The following VAV1 variants were observed in gnomAD, a reference collection of about 807,000 sequenced individuals.
VAV1 encodes vav guanine nucleotide exchange factor 1, also known as proto-oncogene vav.
A neutral mutation model predicts 128.1 loss-of-function variants in VAV1; 33 were observed. The ratio of observed to expected loss-of-function variants is 0.26; its 90% CI spans 0.20 to 0.34. The LOEUF (loss-of-function observed/expected upper bound fraction) is 0.34, where lower values mean the gene tolerates loss of function less well. Ranked by LOEUF, VAV1 falls within the 10% of genes least tolerant of loss-of-function variation. The probability of loss-of-function intolerance (pLI) is 1.00; values close to 1 mark genes in which losing one functional copy is unlikely to be tolerated. For missense variants in VAV1, 715 were observed against 1,093.7 expected (o/e 0.65, Z 4.88); for synonymous variants, 394 against 409.8 (o/e 0.96, Z 0.47).
intron 21 of VAV1, 101 bp downstream of exon 21, chr19:6,837,151 G>GCCCC: frequency 1.6e-6 from 2 of 1,262,506 alleles, no homozygotes; most frequent in Non-Finnish European, 2.3e-6. Flanking sequence ...TGGGGAGGGG[G>GCCCC]CTGCCCATCA....
intron 20 of VAV1, 27 bp from the exon 21 acceptor site, chr19:6,836,958 T>C: frequency 6.2e-7 from 1 of 1,613,188 alleles, no homozygotes; most frequent in Middle Eastern, 1.6e-4. Context: ...ACCTCTCTGT[T>C]CCTGTTTTTG....
At chr19:6,795,539 T>C (rs1320967081) in intron 1 of VAV1, among the ~76,000 whole-genome samples, 1 of 152,102 alleles carries the variant, frequency 6.6e-6, no homozygotes, top group Non-Finnish European at 1.5e-5. Flanking sequence ...AGCCTGGTTC[T>C]CAATTGATGG....
At position 6,829,024 on chromosome 19, in the gene VAV1, G is replaced by A. The variant is rs1971988602; in HGVS notation, c.1265+124G>A. 5 of 1,111,300 alleles carry A rather than the reference G, an allele frequency of 4.5e-6. No homozygotes were observed. The South Asian group carries it at 5.6e-5, about 13-fold the overall frequency. 68.8% of individuals were successfully genotyped at this position (1,111,300 alleles called of 1,614,324 possible). A position where few individuals can be genotyped will look rare whatever the true frequency, so the allele number is the denominator to read the frequency against. On this transcript the variant is annotated intron_variant, in intron 13 of 26. Transcript: ENST00000602142. ...GGAGCCTGGGCAGGGGCGGGGCCGG[G>A]CTTCTAGATGGACAGGTGGGTGGAG...
At chr19:6,800,168 C>G (rs1044126891) in intron 1 of VAV1, among the ~76,000 whole-genome samples, 9 of 151,758 alleles carry the variant, frequency 5.9e-5, no homozygotes, top group South Asian at 2.1e-4. Context: ...AATGTACCAA[C>G]TTTTCTTCCT....
At chr19:6,852,849 A>C (rs1972701921) in intron 24 of VAV1, 116 bp from the exon 25 acceptor site, 1 of 735,750 alleles carries the variant, frequency 1.4e-6, no homozygotes, top group Admixed American at 2.6e-5. Context: ...TCACTTTCCA[A>C]AGAGGCCAGA....
At chr19:6,815,899 G>A (rs1971633590) in intron 1 of VAV1, among the ~76,000 whole-genome samples, 1 of 152,152 alleles carries the variant, frequency 6.6e-6, no homozygotes, top group Admixed American at 6.5e-5. Flanking sequence ...GGTCAAGAAA[G>A]TGGGCTCAGC....
At chr19:6,841,481 T>TTC (rs1555705561) in intron 21 of VAV1, among the ~76,000 whole-genome samples, 6 of 149,980 alleles carry the variant, frequency 4.0e-5, no homozygotes, top group African/African-American at 1.5e-4. Context: ...TTCTTTTCTT[T>TTC]TTTTTTTTTT....
intron 26 of VAV1, 35 bp downstream of exon 26, chr19:6,854,133 T>C (rs756980492): frequency 6.2e-7 from 1 of 1,605,586 alleles, no homozygotes; most frequent in Non-Finnish European, 8.5e-7. Context: ...GGGGAGGGCA[T>C]GGGGGTTGAG....
chr19:6,793,900 G>A lies in VAV1; in HGVS notation c.204+20889G>A, dbSNP rs543004222. On this transcript the variant is annotated intron_variant, in intron 1 of 26. Transcript: ENST00000602142. ...AAAATGAGGTAATAATTGTAAAGTCGTAAAGTGCTTCAAGCAGTATCCATT... is the reference window on the plus strand; with the variant it reads ...AAAATGAGGTAATAATTGTAAAGTCATAAAGTGCTTCAAGCAGTATCCATT... Among the ~76,000 whole-genome samples the A allele has an allele frequency of 1.1e-4, 16 of 152,188 alleles. No individual in the cohort carries two copies. The South Asian group carries it at 1.9e-3, about 18-fold the overall frequency.
At chr19:6,774,280 A>G (rs951168949) in intron 1 of VAV1, among the ~76,000 whole-genome samples, 1 of 151,734 alleles carries the variant, frequency 6.6e-6, no homozygotes, top group African/African-American at 2.4e-5. Flanking sequence ...GGCGCCCGCC[A>G]CCACGCCTGG....
chr19:6,804,776 T>G (rs547136432), intron 1 of VAV1, among the ~76,000 whole-genome samples: 5 of 145,378 alleles, frequency 3.4e-5, no homozygotes, highest in East Asian at 2.1e-4. Flanking sequence ...CAGGCTGGAG[T>G]GCAGTGGCGC....
At chr19:6,815,955 G>A (rs1971634782) in intron 1 of VAV1, among the ~76,000 whole-genome samples, 1 of 152,070 alleles carries the variant, frequency 6.6e-6, no homozygotes, top group African/African-American at 2.4e-5. Flanking sequence ...TAGGGAGGCT[G>A]AGGCAGGAGG....
rs183578199 is a variant in VAV1, at chr19:6,831,267, G to A, written c.1399-824G>A. Among the ~76,000 whole-genome samples the A allele has an allele frequency of 1.8e-4, 28 of 152,036 alleles. No homozygotes were observed. The East Asian group carries it at 1.9e-3, about 10-fold the overall frequency. On this transcript the variant is annotated intron_variant, in intron 14 of 26. Transcript: ENST00000602142. Reference sequence around the variant, plus strand: ...TTTTCTCCTGTGAACTCTTCCGTTCGCTTCAGTTTTTGCCCTGGAGTTCCC... The same window carrying A: ...TTTTCTCCTGTGAACTCTTCCGTTCACTTCAGTTTTTGCCCTGGAGTTCCC...
At chr19:6,789,619 A>G (rs1307247292) in intron 1 of VAV1, among the ~76,000 whole-genome samples, 6 of 142,988 alleles carry the variant, frequency 4.2e-5, no homozygotes, top group African/African-American at 1.7e-4. Flanking sequence ...TTCCTTTCTG[A>G]TGGAGTCTCT....
intron 22 of VAV1, 138 bp downstream of exon 22, chr19:6,843,304 G>T: frequency 2.2e-6 from 2 of 923,956 alleles, no homozygotes; most frequent in Non-Finnish European, 3.4e-6. Flanking sequence ...CTAGCTCTGG[G>T]CTGGGGGCTG....
At chr19:6,796,819 A>G (rs1442512226) in intron 1 of VAV1, among the ~76,000 whole-genome samples, 1 of 151,998 alleles carries the variant, frequency 6.6e-6, no homozygotes, top group East Asian at 1.9e-4. Flanking sequence ...CTCCTACAAT[A>G]CCTTCATTGT....
rs575619520 is a variant in VAV1 at position 6,772,720 on chromosome 19, C to A, written c.-88C>A. On this transcript the variant is annotated 5_prime_UTR_variant, in exon 1 of 27. Transcript: ENST00000602142. This position sits in a 1 kb window ranked among gnomAD's most constrained non-coding sequence, Gnocchi z 4.8. The stretch of plus-strand genomic sequence containing the variant: ...AAGAGGAAGTGGTAGCACTAGCTGT[C>A]GCTCCACAGGCGAGCAGGGCAGGCG... 7.1e-7 allele frequency: 1 copy of A among 1,402,614 alleles called. No homozygotes were observed. The highest frequency in any genetic ancestry group is 1.3e-5 in the South Asian group (1 of 76,182). The allele number at this position is 1,402,614 out of a possible 1,614,324, so 86.9% of individuals were successfully genotyped here.
rs1971336856 is a variant in VAV1 at position 6,804,276 on chromosome 19, T to C, written c.205-16426T>C. Among the ~76,000 whole-genome samples, 4 of 151,422 alleles carry C rather than the reference T, an allele frequency of 2.6e-5. No individual in the cohort carries two copies. In the South Asian group the frequency reaches 8.4e-4, roughly 32 times the overall value. On this transcript the variant is annotated intron_variant, in intron 1 of 26. Transcript: ENST00000602142. ...GAAGCCTCACAGGCTAAGGAAAGAATTCAAGGGTGATTCCAGTGGTAGGGT... is the reference window on the plus strand; with the variant it reads ...GAAGCCTCACAGGCTAAGGAAAGAACTCAAGGGTGATTCCAGTGGTAGGGT...
At chr19:6,775,636 C>T (rs1014130727) in intron 1 of VAV1, among the ~76,000 whole-genome samples, 4 of 152,200 alleles carry the variant, frequency 2.6e-5, no homozygotes, top group African/African-American at 9.6e-5. Flanking sequence ...GGGGCACATT[C>T]CTGCCCCTAC....
Sources: gnomAD v4.1 joint callset for allele counts (sites outside exome capture counted in the v4.1 genomes callset) on GRCh38, gnomAD v4.1.1 for gene constraint, Gnocchi (gnomAD v3.1) non-coding constraint, MANE v1.5 for transcripts, NCBI Gene and HGNC (gene_info 2026-07-23, HGNC 2026-07-21) for gene names.